Variants in DNM3 observed in about 807,000 individuals in gnomAD.
DNM3 encodes the protein dynamin-3.
Under a neutral mutation model 101.6 loss-of-function variants are expected in DNM3, and 47 were observed. That is an observed-to-expected ratio of 0.46 (90% CI 0.37 to 0.59). The LOEUF is 0.59. DNM3 is among the 20% of genes least tolerant of loss of function. DNM3 has a pLI of 0.00. For synonymous variants in DNM3, 385 were observed against 387.9 expected (o/e 0.99, Z 0.09); for missense variants, 849 against 1,085.7 (o/e 0.78, Z 3.06).
chr1:172,296,075 A>G (rs1357293293), intron 15 of DNM3, among the ~76,000 whole-genome samples: 2 of 152,226 alleles, frequency 1.3e-5, no homozygotes, highest in African/African-American at 2.4e-5. Flanking sequence ...ATTAGCAAAC[A>G]TACTTTAAAG....
rs556450498 is a variant in DNM3, at chr1:172,390,297, G to A, written c.2522+1488G>A. ...TTTGTTTAAAGCTCACAACAAATAG[G>A]TTGTTATCCACATTTTACAGATGAG... On this transcript the variant is annotated intron_variant, in intron 20 of 20. Coordinates refer to ENST00000627582, the MANE Select transcript of DNM3 (RefSeq NM_015569.5). Among the ~76,000 whole-genome samples the A allele has an allele frequency of 3.3e-3, 505 of 152,300 alleles. 2 individuals carry two copies. The highest frequency in any genetic ancestry group is 0.012 in the African/African-American group (479 of 41,556).
rs138105070 is a variant in DNM3, at chr1:172,384,776, A to G, written c.2059-2357A>G. Reference sequence around the variant, plus strand: ...AGATTCTAAGTGATATTCCAGTAATATGTAAAGTTTCTAAAGAGCTTAACC... The same window carrying G: ...AGATTCTAAGTGATATTCCAGTAATGTGTAAAGTTTCTAAAGAGCTTAACC... On this transcript the variant is annotated intron_variant, in intron 18 of 20. Coordinates refer to ENST00000627582, the MANE Select transcript of DNM3 (RefSeq NM_015569.5). Among the ~76,000 whole-genome samples, 367 of 152,344 alleles carry G rather than the reference A, an allele frequency of 2.4e-3. 3 individuals are homozygous for G. The highest frequency in any genetic ancestry group is 8.2e-3 in the African/African-American group (341 of 41,580).
At chr1:172,299,164 C>T (rs753660143) in intron 15 of DNM3, among the ~76,000 whole-genome samples, 1 of 152,092 alleles carries the variant, frequency 6.6e-6, no homozygotes, top group Non-Finnish European at 1.5e-5. Context: ...TGGAAGTAAG[C>T]GTGGCACATC....
Position 172,132,925 on chromosome 1 carries a change from A to C in DNM3, c.1659+1637A>C, listed in dbSNP as rs1029569212. 6 of 1,332,456 alleles carry C rather than the reference A, an allele frequency of 4.5e-6. No homozygotes were observed. The African/African-American group carries it at 8.7e-5, about 19-fold the overall frequency. The allele number at this position is 1,332,456 out of a possible 1,614,324, so 82.5% of individuals were successfully genotyped here. A position where few individuals can be genotyped will look rare whatever the true frequency, so the allele number is the denominator to read the frequency against. ...TTGGCGAGGATAACCAACTTACCAA[A>C]GTCACACAGCTAGTTGGTGGCAAAG... On this transcript the variant is annotated intron_variant, in intron 14 of 20. Coordinates refer to ENST00000627582, the MANE Select transcript of DNM3 (RefSeq NM_015569.5).
intron 14 of DNM3, among the ~76,000 whole-genome samples, chr1:172,225,246 C>G (rs900945412): frequency 7.3e-6 from 1 of 136,534 alleles, no homozygotes; most frequent in South Asian, 2.5e-4. Flanking sequence ...TCAAGTGATT[C>G]TCCCTTCTCA....
intron 14 of DNM3, among the ~76,000 whole-genome samples, chr1:172,249,628 G>A (rs2062090411): frequency 1.3e-5 from 2 of 152,082 alleles, no homozygotes; most frequent in South Asian, 4.1e-4. Context: ...CTCAGCCTCT[G>A]AAGCCTTTGA....
chr1:171,842,779 G>C (rs1025226756), intron 1 of DNM3, among the ~76,000 whole-genome samples: 3 of 152,140 alleles, frequency 2.0e-5, no homozygotes, highest in African/African-American at 7.2e-5. Flanking sequence ...ATTAATTTTC[G>C]AATTAGGAAT....
chr1:171,858,650 A>G (rs1270916144), intron 1 of DNM3, among the ~76,000 whole-genome samples: 3 of 152,116 alleles, frequency 2.0e-5, no homozygotes, highest in Admixed American at 6.6e-5. Context: ...AGCCATGGTA[A>G]TCGGTATTTT....
chr1:172,415,725 T>A (rs1297808418), downstream of DNM3, among the ~76,000 whole-genome samples: 3 of 152,020 alleles, frequency 2.0e-5, no homozygotes, highest in Non-Finnish European at 4.4e-5. Context: ...AGACGGCATT[T>A]CACCACATTG....
chr1:171,929,421 T>C, intron 2 of DNM3, among the ~76,000 whole-genome samples: 1 of 151,578 alleles, frequency 6.6e-6, no homozygotes, highest in East Asian at 1.9e-4. Flanking sequence ...CAGTCCCTGG[T>C]TGTCTTGGAC....
intron 14 of DNM3, among the ~76,000 whole-genome samples, chr1:172,231,647 A>G (rs2061341382): frequency 1.3e-5 from 2 of 152,228 alleles, no homozygotes; most frequent in Admixed American, 1.3e-4. Flanking sequence ...AACTTCTGCG[A>G]GCTAAAGGAG....
At chr1:172,330,372 A>G (rs1334505756) in intron 17 of DNM3, among the ~76,000 whole-genome samples, 1 of 152,124 alleles carries the variant, frequency 6.6e-6, no homozygotes, top group African/African-American at 2.4e-5. Flanking sequence ...AACATTGTGC[A>G]TGCCATAGGT....
At chr1:171,919,078 C>A (rs1323942449) in intron 1 of DNM3, among the ~76,000 whole-genome samples, 1 of 152,148 alleles carries the variant, frequency 6.6e-6, no homozygotes, top group Non-Finnish European at 1.5e-5. Context: ...GCATTTTATA[C>A]ATCCTAAAAT....
chr1:172,009,931 G>A (rs2047000519), intron 4 of DNM3, among the ~76,000 whole-genome samples: 1 of 151,574 alleles, frequency 6.6e-6, no homozygotes, highest in South Asian at 2.1e-4. Context: ...ACTGAGACAG[G>A]AATGTTATAT....
intron 13 of DNM3, among the ~76,000 whole-genome samples, chr1:172,095,159 C>A (rs2054162755): frequency 6.6e-6 from 1 of 152,094 alleles, no homozygotes; most frequent in African/African-American, 2.4e-5. Flanking sequence ...GCCAGACATG[C>A]CTTGAAGGTC....
rs143436662 is a variant in DNM3 at position 172,395,541 on chromosome 1, A to G, written c.2522+6732A>G. On this transcript the variant is annotated intron_variant, in intron 20 of 20. Transcript: ENST00000627582. ...TAAGAGCCAGGAAATTAAAAATGAA[A>G]ATGTAAATGCTTCATCTTTCACTCA... Among the ~76,000 whole-genome samples, 53 of 152,288 alleles carry G rather than the reference A, an allele frequency of 3.5e-4. 1 individual carries two copies. The highest frequency in any genetic ancestry group is 1.2e-3 in the African/African-American group (51 of 41,566).
intron 17 of DNM3, 91 bp from the exon 18 acceptor site, chr1:172,378,927 A>C: frequency 7.4e-7 from 1 of 1,355,936 alleles, no homozygotes; most frequent in Non-Finnish European, 1.0e-6. Flanking sequence ...CAACTATGCT[A>C]ATCAGAAGTT....
In DNM3 at chr1:172,339,444, T is replaced by C. The variant is rs115840641; in HGVS notation, c.1893+16104T>C. Among the ~76,000 whole-genome samples the C allele has an allele frequency of 1.8e-3, 273 of 152,334 alleles. 1 individual carries two copies. Among genetic ancestry groups the C allele is most frequent in the African/African-American group, 6.4e-3 (267 of 41,588 alleles). ...TGGCCTCATTATCAGCATTAGCCAG[T>C]CAGTCACCTGTTTGGGAACCAAGGG... On this transcript the variant is annotated intron_variant, in intron 17 of 20. Coordinates refer to ENST00000627582, the MANE Select transcript of DNM3 (RefSeq NM_015569.5).
intron 14 of DNM3, chr1:172,142,222 T>C (rs1251034662): frequency 6.6e-6 from 1 of 152,036 alleles, no homozygotes; most frequent in Non-Finnish European, 1.5e-5. Flanking sequence ...CCCTAAAATA[T>C]TTGTATATCT....
Sources: gnomAD v4.1 joint callset for allele counts (sites outside exome capture counted in the v4.1 genomes callset) on GRCh38, gnomAD v4.1.1 for gene constraint, MANE v1.5 for transcripts, NCBI Gene and HGNC (gene_info 2026-07-23, HGNC 2026-07-21) for gene names.